GPR149: variants seen among roughly 807,000 people sequenced by gnomAD.
GPR149 encodes the protein probable G protein-coupled receptor 149.
Under a neutral mutation model 50.2 loss-of-function variants are expected in GPR149, and 50 were observed. The ratio of observed to expected loss-of-function variants is 1.00; its 90% CI spans 0.79 to 1.26. The LOEUF (loss-of-function observed/expected upper bound fraction) is 1.26, where lower values mean the gene tolerates loss of function less well. GPR149 is among the 50% of genes most tolerant of loss of function. The pLI is 0.00. For synonymous variants in GPR149, 405 were observed against 358.2 expected, an observed-to-expected ratio of 1.13 and a Z score of -1.48; for missense variants, 983 against 895.4, an observed-to-expected ratio of 1.10 and a Z score of -1.25.
chr3:154,364,076 G>A (rs16823904), intron 3 of GPR149, among the ~76,000 whole-genome samples: 2 of 152,058 alleles, frequency 1.3e-5, no homozygotes. Flanking sequence ...AAGAAGCGAA[G>A]CTGCTGGGCA....
At chr3:154,427,792 T>G in intron 1 of GPR149, 84 bp from the exon 2 acceptor site, 1 of 1,273,756 alleles carries the variant, frequency 7.9e-7, no homozygotes, top group Non-Finnish European at 1.1e-6. Context: ...GCTGCCTCAG[T>G]TCCCTTTCCA....
At chr3:154,391,627 A>G (rs1294926277) in intron 3 of GPR149, among the ~76,000 whole-genome samples, 1 of 151,856 alleles carries the variant, frequency 6.6e-6, no homozygotes. Context: ...ATATAAAGGG[A>G]TTAAACTCCT....
At chr3:154,408,538 T>A (rs1471080813) in intron 3 of GPR149, among the ~76,000 whole-genome samples, 2 of 151,786 alleles carry the variant, frequency 1.3e-5, no homozygotes, top group Non-Finnish European at 2.9e-5. Flanking sequence ...GGGAGAGGGG[T>A]GAGGCCTGTG....
chr3:154,352,002 T>A (rs9871428), intron 3 of GPR149: 66,798 of 281,908 alleles, frequency 0.24, 8,078 homozygotes, highest in South Asian at 0.31. Context: ...AAACACTTTT[T>A]AAAAAAAATA....
chr3:154,388,544 G>A (rs116428907), intron 3 of GPR149, among the ~76,000 whole-genome samples: 410 of 152,004 alleles, frequency 2.7e-3, no homozygotes, highest in African/African-American at 9.3e-3. Flanking sequence ...TTTACCTGAG[G>A]GCTAATTTAG....
chr3:154,405,200 T>C (rs1303399513), intron 3 of GPR149, among the ~76,000 whole-genome samples: 2 of 152,154 alleles, frequency 1.3e-5, no homozygotes, highest in Non-Finnish European at 2.9e-5. Flanking sequence ...AGATATAAAA[T>C]TTACGGGCAT....
Position 154,337,740 on chromosome 3 carries a change from T to TA in GPR149, c.2154dup (p.Lys719Ter). The TA allele has an allele frequency of 6.2e-7, 1 of 1,610,908 alleles. No individual in the cohort carries two copies. Among genetic ancestry groups the TA allele is most frequent in the Non-Finnish European group, 8.5e-7 (1 of 1,178,578 alleles). ...TCTTCCTCTCTTTTTCTGTAAGCTT[T>TA]ATTTAACAACTGGATTTCCTCCTGG... On this transcript the variant is annotated frameshift_variant, in exon 4 of 4. Transcript: ENST00000389740. LOFTEE classifies it high-confidence loss of function.
chr3:154,415,636 C>G (rs1057111114), intron 3 of GPR149, among the ~76,000 whole-genome samples: 5 of 151,594 alleles, frequency 3.3e-5, no homozygotes, highest in Non-Finnish European at 5.9e-5. Flanking sequence ...ATGTTTTTGT[C>G]AAAAGTAAAA....
intron 3 of GPR149, among the ~76,000 whole-genome samples, chr3:154,347,423 A>C (rs1432372688): frequency 2.6e-5 from 4 of 152,186 alleles, no homozygotes; most frequent in Non-Finnish European, 5.9e-5. Flanking sequence ...TCTCATGAGA[A>C]TCCACTCACT....
intron 3 of GPR149, among the ~76,000 whole-genome samples, chr3:154,393,459 T>C (rs1390377631): frequency 6.6e-6 from 1 of 152,056 alleles, no homozygotes; most frequent in African/African-American, 2.4e-5. Flanking sequence ...GAGATTATCA[T>C]AGCTAACATT....
intron 3 of GPR149, among the ~76,000 whole-genome samples, chr3:154,377,109 C>G (rs1559979128): frequency 6.7e-6 from 1 of 148,224 alleles, no homozygotes; most frequent in Non-Finnish European, 1.5e-5. Context: ...AGTAGAAAAT[C>G]ATAGCAGGTA....
At chr3:154,344,488 C>G (rs1376484001) in intron 3 of GPR149, among the ~76,000 whole-genome samples, 1 of 152,122 alleles carries the variant, frequency 6.6e-6, no homozygotes, top group African/African-American at 2.4e-5. Context: ...GCATCCCCCT[C>G]CAAATTCGTG....
Position 154,413,547 on chromosome 3 carries a change from G to T in GPR149, c.1623+7492C>A, listed in dbSNP as rs146702190. Among the ~76,000 whole-genome samples, 1,106 of 151,546 alleles carry T rather than the reference G, an allele frequency of 7.3e-3. 6 individuals carry two copies. The highest frequency in any genetic ancestry group is 0.011 in the Non-Finnish European group (743 of 67,804). Reference sequence around the variant, plus strand: ...ATATACAAATGGCCAGAAGCATATAGAAAAATGCTCAACACCACTAATGAT... The same window carrying T: ...ATATACAAATGGCCAGAAGCATATATAAAAATGCTCAACACCACTAATGAT... On this transcript the variant is annotated intron_variant, in intron 3 of 3. Transcript: ENST00000389740.
At chr3:154,359,704 G>A (rs944998905) in intron 3 of GPR149, among the ~76,000 whole-genome samples, 1 of 152,114 alleles carries the variant, frequency 6.6e-6, no homozygotes, top group East Asian at 1.9e-4. Flanking sequence ...TTCTCTTCAA[G>A]TCCTCTTCTT....
chr3:154,411,462 C>T (rs1314116490), intron 3 of GPR149, among the ~76,000 whole-genome samples: 1 of 151,804 alleles, frequency 6.6e-6, no homozygotes, highest in Non-Finnish European at 1.5e-5. Flanking sequence ...CGAGATTTAT[C>T]AAGAAAAGAA....
intron 1 of GPR149, among the ~76,000 whole-genome samples, chr3:154,427,971 C>T (rs1013653411): frequency 1.3e-5 from 2 of 152,186 alleles, no homozygotes; most frequent in Non-Finnish European, 2.9e-5. Context: ...CAGAAAGGCA[C>T]AGTCTACAAC....
At chr3:154,409,016 C>G (rs1047718900) in intron 3 of GPR149, among the ~76,000 whole-genome samples, 1 of 152,238 alleles carries the variant, frequency 6.6e-6, no homozygotes, top group Non-Finnish European at 1.5e-5. Flanking sequence ...TTGCTGGTAT[C>G]CGTGTCTGCA....
intron 3 of GPR149, among the ~76,000 whole-genome samples, chr3:154,389,402 A>G (rs893358453): frequency 2.6e-5 from 4 of 152,014 alleles, no homozygotes; most frequent in African/African-American, 7.2e-5. Context: ...ACTGGGGGAG[A>G]TCCTAGCTCC....
chr3:154,418,810 T>TATA (rs969114002), intron 3 of GPR149, among the ~76,000 whole-genome samples: 4 of 151,554 alleles, frequency 2.6e-5, no homozygotes, highest in East Asian at 1.9e-4. Context: ...AAACTTAAAG[T>TATA]ATAATAATAA....
Sources: gnomAD v4.1 joint callset for allele counts (sites outside exome capture counted in the v4.1 genomes callset) on GRCh38, gnomAD v4.1.1 for gene constraint, MANE v1.5 for transcripts, NCBI Gene and HGNC (gene_info 2026-07-23, HGNC 2026-07-21) for gene names.